The following ZNF804B variants were observed in gnomAD, a reference collection of about 807,000 sequenced individuals.
ZNF804B encodes zinc finger 804B.
ZNF804B carries 80 observed loss-of-function variants against 101.4 expected under a neutral mutation model. That is an observed-to-expected ratio of 0.79 (90% CI 0.66 to 0.95). ZNF804B has a LOEUF of 0.95. Ranked by LOEUF, ZNF804B falls within the 40% of genes least tolerant of loss-of-function variation. The pLI is 0.00. For synonymous variants in ZNF804B, 622 were observed against 558.8 expected (o/e 1.11, Z -1.59); for missense variants, 1,673 against 1,561.9 (o/e 1.07, Z -1.20).
chr7:89,044,891 A>T (rs138092062), intron 1 of ZNF804B, among the ~76,000 whole-genome samples: 2,372 of 152,346 alleles, frequency 0.016, 49 homozygotes, highest in African/African-American at 0.053. Flanking sequence ...AGAAATTTGC[A>T]TAAGTAACAA....
At chr7:89,061,496 ACT>A (rs1354621136) in intron 1 of ZNF804B, among the ~76,000 whole-genome samples, 16 of 152,114 alleles carry the variant, frequency 1.1e-4, no homozygotes, top group Admixed American at 1.0e-3. Flanking sequence ...GCATTTTATA[ACT>A]CTGAAATGTT....
At position 89,217,712 on chromosome 7, in the gene ZNF804B, A is replaced by G. The variant is rs571354295; in HGVS notation, c.109-443A>G. On this transcript the variant is annotated intron_variant, in intron 1 of 3. Coordinates refer to ENST00000333190, the MANE Select transcript of ZNF804B (RefSeq NM_181646.5). ...TGGCAATGTTGAACATAATGGATAC[A>G]TCAGGCTCTATCTATAGTGTGAATG... is the stretch of plus-strand genomic sequence containing the variant. 9.2e-5 allele frequency among the ~76,000 whole-genome samples: 14 copies of G among 152,348 alleles called. No homozygotes were observed. The South Asian group carries it at 2.5e-3, about 27-fold the overall frequency.
chr7:88,833,338 TTTCTGA>T (rs1423060947), intron 1 of ZNF804B, among the ~76,000 whole-genome samples: 1 of 151,940 alleles, frequency 6.6e-6, no homozygotes, highest in Non-Finnish European at 1.5e-5. Flanking sequence ...TTACTTAACT[TTTCTGA>T]TTCTATTTTT....
At position 89,335,421 on chromosome 7, in the gene ZNF804B, TC is replaced by T; in HGVS notation, c.2440del (p.Gln814AsnfsTer7). 6.8e-6 allele frequency: 11 copies of T among 1,613,620 alleles called. No homozygotes were observed. The highest frequency in any genetic ancestry group is 8.5e-6 in the Non-Finnish European group (10 of 1,179,864). On this transcript the variant is annotated frameshift_variant, in exon 4 of 4. Coordinates refer to ENST00000333190, the MANE Select transcript of ZNF804B (RefSeq NM_181646.5). LOFTEE classifies it high-confidence loss of function. ...CRERQKLGKN[Q>X]QQFSGLKSTR... ...GAGAAAGACAAAAACTGGGCAAAAA[TC>T]AACAACAATTTTCAGGGCTAAAATC...
intron 2 of ZNF804B, among the ~76,000 whole-genome samples, chr7:89,272,086 T>C (rs1305460852): frequency 6.6e-6 from 1 of 152,024 alleles, no homozygotes; most frequent in South Asian, 2.1e-4. Context: ...GTCTTGCAAT[T>C]TCACATTCCA....
intron 1 of ZNF804B, among the ~76,000 whole-genome samples, chr7:88,800,510 A>G (rs1198493712): frequency 6.6e-6 from 1 of 152,158 alleles, no homozygotes; most frequent in Non-Finnish European, 1.5e-5. Flanking sequence ...TCTGCACATG[A>G]AAAATTTAAT....
chr7:89,184,846 GACA>G, intron 1 of ZNF804B, among the ~76,000 whole-genome samples: 1 of 150,488 alleles, frequency 6.6e-6, no homozygotes, highest in Non-Finnish European at 1.5e-5. Context: ...TGTACATTTT[GACA>G]AAAACGTGTA....
At chr7:89,194,316 A>G (rs1584044844) in intron 1 of ZNF804B, among the ~76,000 whole-genome samples, 1 of 151,756 alleles carries the variant, frequency 6.6e-6, no homozygotes, top group Admixed American at 6.6e-5. Context: ...CTTTAGTTTA[A>G]TTAGATCCCA....
intron 1 of ZNF804B, among the ~76,000 whole-genome samples, chr7:89,004,308 T>G (rs1788338716): frequency 1.3e-5 from 2 of 151,838 alleles, no homozygotes; most frequent in South Asian, 4.1e-4. Context: ...TGGCTATATC[T>G]TTTCAGAAAA....
chr7:88,898,543 C>G lies in ZNF804B; in HGVS notation c.108+138459C>G, dbSNP rs77280200. ...ACATGTGAAATTCTTCACTTGGAAT[C>G]CAAATATAGTTATCATGTCTCATTT... On this transcript the variant is annotated intron_variant, in intron 1 of 3. Coordinates refer to ENST00000333190, the MANE Select transcript of ZNF804B (RefSeq NM_181646.5). 5.3e-5 allele frequency among the ~76,000 whole-genome samples: 8 copies of G among 152,050 alleles called. No individual in the cohort carries two copies. In the East Asian group the frequency reaches 1.5e-3, roughly 29 times the overall value.
chr7:89,336,827 C>T lies in ZNF804B; in HGVS notation c.3845C>T (p.Thr1282Ile), dbSNP rs1791102093. 2 of 1,613,978 alleles carry T rather than the reference C, an allele frequency of 1.2e-6. No individual in the cohort carries two copies. The highest frequency in any genetic ancestry group is 1.1e-5 in the South Asian group (1 of 91,084). ...ACCCCCTTCCACCCATCTCACATAA[C>T]ACTTCAGCCTCTGCCCCCTACAGCA... ...AATPFHPSHI[T>I]LQPLPPTAFI... The change falls in exon 4 of 4, where the codon ACA (threonine) becomes ATA (isoleucine). Residue 1282 changes from threonine (T) to isoleucine (I), a missense_variant. By Grantham distance (89) the Thr-to-Ile change is moderately conservative. Coordinates refer to ENST00000333190, the MANE Select transcript of ZNF804B (RefSeq NM_181646.5).
At chr7:88,988,490 CAACAGGTGTTAAT>C (rs1279754551) in intron 1 of ZNF804B, among the ~76,000 whole-genome samples, 2 of 152,094 alleles carry the variant, frequency 1.3e-5, no homozygotes. Flanking sequence ...TATACAGCAT[CAACAGGTGTTAAT>C]AACAACTATT....
At chr7:89,287,003 A>G (rs906719859) in intron 2 of ZNF804B, among the ~76,000 whole-genome samples, 1 of 151,928 alleles carries the variant, frequency 6.6e-6, no homozygotes, top group Non-Finnish European at 1.5e-5. Flanking sequence ...TTCTCAGCCT[A>G]CTCAATATGG....
intron 1 of ZNF804B, among the ~76,000 whole-genome samples, chr7:89,021,633 T>C (rs776387232): frequency 1.5e-4 from 23 of 152,168 alleles, no homozygotes; most frequent in Non-Finnish European, 2.8e-4. Context: ...TCTCAGGCCC[T>C]GGGTGCAGTT....
chr7:89,260,332 A>G (rs1272791545), intron 2 of ZNF804B, among the ~76,000 whole-genome samples: 2 of 150,584 alleles, frequency 1.3e-5, no homozygotes, highest in African/African-American at 2.4e-5. Context: ...TTACTAATAA[A>G]TGTCCTTTGT....
intron 1 of ZNF804B, among the ~76,000 whole-genome samples, chr7:89,036,868 T>G (rs1788937882): frequency 6.6e-6 from 1 of 152,138 alleles, no homozygotes; most frequent in Non-Finnish European, 1.5e-5. Context: ...TGGTAAGGTC[T>G]GTATGCTTAA....
intron 1 of ZNF804B, among the ~76,000 whole-genome samples, chr7:88,828,685 A>G (rs1263428905): frequency 1.3e-5 from 2 of 152,182 alleles, no homozygotes; most frequent in Non-Finnish European, 2.9e-5. Context: ...AATGGATAAC[A>G]GTTTAAAATA....
At chr7:88,842,042 C>A (rs1791299294) in intron 1 of ZNF804B, among the ~76,000 whole-genome samples, 1 of 152,100 alleles carries the variant, frequency 6.6e-6, no homozygotes, top group Non-Finnish European at 1.5e-5. Flanking sequence ...TCTGATTGGA[C>A]TAAACAATAT....
intron 1 of ZNF804B, among the ~76,000 whole-genome samples, chr7:88,900,143 C>G (rs1792366641): frequency 6.6e-6 from 1 of 152,002 alleles, no homozygotes; most frequent in Non-Finnish European, 1.5e-5. Flanking sequence ...ACAAGATTGG[C>G]TGGCATACTT....
Sources: allele counts gnomAD v4.1 joint callset (sites outside exome capture counted in the v4.1 genomes callset), GRCh38; gene constraint gnomAD v4.1.1; transcripts MANE v1.5; gene names NCBI Gene and HGNC (gene_info 2026-07-23, HGNC 2026-07-21).